CEMIP: variants seen among roughly 807,000 people sequenced by gnomAD.
The protein encoded by CEMIP is cell migration inducing hyaluronidase 1.
In CEMIP, 105 loss-of-function variants were observed where a neutral mutation model predicts 156.9. That is an observed-to-expected ratio of 0.67 (90% CI 0.57 to 0.79). The LOEUF (loss-of-function observed/expected upper bound fraction) is 0.79, where lower values mean the gene tolerates loss of function less well. Ranked by LOEUF, CEMIP falls within the 30% of genes least tolerant of loss-of-function variation. The probability of loss-of-function intolerance (pLI) is 0.00; values close to 1 mark genes in which losing one functional copy is unlikely to be tolerated. For synonymous variants in CEMIP, 676 were observed against 668.4 expected (o/e 1.01, Z -0.17); for missense variants, 1,457 against 1,769.4 (o/e 0.82, Z 3.17).
At chr15:80,814,043 CTTTTTTTTTTTTTTTT>C (rs778309859) in intron 1 of CEMIP, among the ~76,000 whole-genome samples, 1 of 73,728 alleles carries the variant, frequency 1.4e-5, no homozygotes, top group Non-Finnish European at 2.3e-5. Context: ...AACTCTTTGG[CTTTTTTTTTTTTTTTT>C]TTTTTTTTTG....
At position 80,929,184 on chromosome 15, in the gene CEMIP, C is replaced by G; in HGVS notation, c.2612+10C>G. On this transcript the variant is annotated intron_variant, in intron 21 of 29. Transcript: ENST00000394685. ...CCCTCCCTATAGGCCAGTAGGTTTGCAACCATGTAGCTCCTTATTCTGAGT... is the reference window on the plus strand; with the variant it reads ...CCCTCCCTATAGGCCAGTAGGTTTGGAACCATGTAGCTCCTTATTCTGAGT... The G allele has an allele frequency of 1.2e-6, 2 of 1,614,174 alleles. No homozygotes were observed. The highest frequency in any genetic ancestry group is 1.7e-6 in the Non-Finnish European group (2 of 1,180,030).
chr15:80,925,026 GA>G (rs1900607084), intron 18 of CEMIP, among the ~76,000 whole-genome samples: 1 of 152,222 alleles, frequency 6.6e-6, no homozygotes, highest in African/African-American at 2.4e-5. Context: ...GAAGAGAACA[GA>G]AGGGAAGAAT....
At chr15:80,929,399 C>G (rs1246019561) in intron 21 of CEMIP, among the ~76,000 whole-genome samples, 1 of 152,134 alleles carries the variant, frequency 6.6e-6, no homozygotes, top group Non-Finnish European at 1.5e-5. Flanking sequence ...GGTGACGTGG[C>G]CATCAAAATG....
chr15:80,889,751 C>T (rs753597433), intron 10 of CEMIP, among the ~76,000 whole-genome samples, 159 bp downstream of exon 10: 6 of 152,208 alleles, frequency 3.9e-5, no homozygotes, highest in Non-Finnish European at 7.3e-5. Context: ...GAGACTGAAG[C>T]AGAGGCTTAC....
chr15:80,923,008 C>T (rs963594199), intron 17 of CEMIP, among the ~76,000 whole-genome samples: 2 of 152,178 alleles, frequency 1.3e-5, no homozygotes, highest in African/African-American at 4.8e-5. Context: ...GGGAACAATA[C>T]ATTCGGAGGC....
intron 1 of CEMIP, among the ~76,000 whole-genome samples, chr15:80,845,789 G>A (rs1210183413): frequency 6.6e-6 from 1 of 152,176 alleles, no homozygotes; most frequent in South Asian, 2.1e-4. Context: ...GAGCTAGATC[G>A]AGTCATTAGG....
intron 1 of CEMIP, among the ~76,000 whole-genome samples, chr15:80,866,875 T>C (rs76407465): frequency 4.6e-5 from 7 of 151,644 alleles, no homozygotes; most frequent in African/African-American, 1.5e-4. Context: ...GTTGCCTCAA[T>C]AGAAACAGAA....
At chr15:80,782,604 C>G (rs912284024) in intron 1 of CEMIP, among the ~76,000 whole-genome samples, 1 of 152,062 alleles carries the variant, frequency 6.6e-6, no homozygotes, top group African/African-American at 2.4e-5. Context: ...TTTCTCCCCC[C>G]ACAAAAGTGT....
Position 80,949,155 on chromosome 15 carries a change from A to G in CEMIP, c.*231A>G, listed in dbSNP as rs779631720. On this transcript the variant is annotated 3_prime_UTR_variant, in exon 30 of 30. Coordinates refer to ENST00000394685, the MANE Select transcript of CEMIP (RefSeq NM_001293298.2). ...GGCGGTGCTGGCCAATGCTGGAAAC[A>G]TTCACTTTCCTGCAGCCTCTTGGGT... is the stretch of plus-strand genomic sequence containing the variant. 2 of 590,176 alleles carry G rather than the reference A, an allele frequency of 3.4e-6. No individual in the cohort carries two copies. Among genetic ancestry groups the G allele is most frequent in the East Asian group, 3.0e-5 (1 of 33,298 alleles). The allele number at this position is 590,176 out of a possible 1,614,324, so 36.6% of individuals were successfully genotyped here.
intron 14 of CEMIP, among the ~76,000 whole-genome samples, chr15:80,918,902 A>C (rs1024616731): frequency 1.3e-5 from 2 of 152,068 alleles, no homozygotes; most frequent in African/African-American, 4.8e-5. Flanking sequence ...GAGTTTAGAG[A>C]TACAGACACA....
chr15:80,850,960 T>C (rs1897702803), intron 1 of CEMIP, among the ~76,000 whole-genome samples: 1 of 152,106 alleles, frequency 6.6e-6, no homozygotes, highest in South Asian at 2.1e-4. Context: ...GGGCAGCTGA[T>C]GGGGCTGCTG....
At chr15:80,947,854 C>A (rs1439552979) in intron 29 of CEMIP, 1 of 152,226 alleles carries the variant, frequency 6.6e-6, no homozygotes, top group Non-Finnish European at 1.5e-5. Flanking sequence ...AAGAATTTAA[C>A]AGCCAAGCCA....
chr15:80,867,700 C>G (rs757462438), intron 1 of CEMIP, among the ~76,000 whole-genome samples: 1 of 152,302 alleles, frequency 6.6e-6, no homozygotes, highest in Middle Eastern at 3.4e-3. Flanking sequence ...GCTTGGGACT[C>G]TTCCTGTGTT....
At chr15:80,811,999 G>A (rs542535104) in intron 1 of CEMIP, among the ~76,000 whole-genome samples, 1 of 151,912 alleles carries the variant, frequency 6.6e-6, no homozygotes, top group South Asian at 2.1e-4. Flanking sequence ...CCACGTCCCG[G>A]TTTGTTGTTG....
chr15:80,781,590 C>A (rs1002327435), intron 1 of CEMIP, among the ~76,000 whole-genome samples: 2 of 152,050 alleles, frequency 1.3e-5, no homozygotes, highest in African/African-American at 4.8e-5. Context: ...TTACAAGAAA[C>A]GCAGGTCTGC....
rs762435667 is a variant in CEMIP, at chr15:80,842,065, T to C, written c.-175-31473T>C. 5 of 530,850 alleles carry C rather than the reference T, an allele frequency of 9.4e-6. No individual in the cohort carries two copies. The East Asian group carries it at 2.2e-4, about 23-fold the overall frequency. 32.9% of individuals were successfully genotyped at this position (530,850 alleles called of 1,614,324 possible). A position where few individuals can be genotyped will look rare whatever the true frequency, so the allele number is the denominator to read the frequency against. ...ATGAGCTCTCAATATATTCTTGAGT[T>C]GCATGTCTATCAGAAGATGTGATGC... On this transcript the variant is annotated intron_variant, in intron 1 of 29. Coordinates refer to ENST00000394685, the MANE Select transcript of CEMIP (RefSeq NM_001293298.2).
intron 1 of CEMIP, among the ~76,000 whole-genome samples, chr15:80,850,955 G>A (rs995974135): frequency 1.3e-5 from 2 of 152,252 alleles, no homozygotes; most frequent in Admixed American, 1.3e-4. Context: ...GAACAGGGCA[G>A]CTGATGGGGC....
intron 12 of CEMIP, among the ~76,000 whole-genome samples, chr15:80,905,961 A>G (rs1346123174): frequency 6.6e-6 from 1 of 152,162 alleles, no homozygotes; most frequent in Non-Finnish European, 1.5e-5. Context: ...GAGCCAGGCC[A>G]CAGTGGTGGA....
rs1555436122 is a variant in CEMIP at position 80,920,300 on chromosome 15, G to GTAAGTGCCTGGACCCC, written c.2003+3_2003+18dup. On this transcript the variant is annotated splice_donor_variant, in intron 15 of 29. Transcript: ENST00000394685. LOFTEE classifies it high-confidence loss of function. ...TCCCCAAGCCCAGGCAAGACTGCAA[G>GTAAGTGCCTGGACCCC]TAAGTGCCTGGACCCCTCTCTGTGT... 3 of 1,613,312 alleles carry GTAAGTGCCTGGACCCC rather than the reference G, an allele frequency of 1.9e-6. No individual in the cohort carries two copies. Among genetic ancestry groups the GTAAGTGCCTGGACCCC allele is most frequent in the Non-Finnish European group, 2.5e-6 (3 of 1,179,300 alleles).
Sources: allele counts gnomAD v4.1 joint callset (sites outside exome capture counted in the v4.1 genomes callset), GRCh38; gene constraint gnomAD v4.1.1; transcripts MANE v1.5; gene names NCBI Gene and HGNC (gene_info 2026-07-23, HGNC 2026-07-21).